Variants in TMEM232 observed in about 807,000 individuals in gnomAD.
TMEM232 encodes transmembrane protein 232.
In TMEM232, 80 loss-of-function variants were observed where a neutral mutation model predicts 78.8. The observed-to-expected ratio is 1.01, with a 90% confidence interval of 0.85 to 1.22. The LOEUF is 1.22. TMEM232 is among the 50% of genes most tolerant of loss of function. The probability of loss-of-function intolerance (pLI) is 0.00; values close to 1 mark genes in which losing one functional copy is unlikely to be tolerated. For synonymous variants in TMEM232, 297 were observed against 254.3 expected, an observed-to-expected ratio of 1.17 and a Z score of -1.60; for missense variants, 881 against 742.2, an observed-to-expected ratio of 1.19 and a Z score of -2.17.
intron 12 of TMEM232, among the ~76,000 whole-genome samples, chr5:110,443,178 TC>T (rs1396111136): frequency 6.6e-6 from 1 of 151,794 alleles, no homozygotes; most frequent in Non-Finnish European, 1.5e-5. Flanking sequence ...GACATTGTGC[TC>T]CCCCCGCTCC....
chr5:110,441,055 A>G (rs1758979459), intron 12 of TMEM232, among the ~76,000 whole-genome samples: 1 of 152,096 alleles, frequency 6.6e-6, no homozygotes, highest in Non-Finnish European at 1.5e-5. Context: ...AGTGGCTCCT[A>G]ACTGCTTTGA....
intron 10 of TMEM232, among the ~76,000 whole-genome samples, chr5:110,602,872 C>T (rs549720465): frequency 2.6e-5 from 4 of 152,174 alleles, no homozygotes; most frequent in South Asian, 2.1e-4. Context: ...TTCACAATAG[C>T]GAAGAGTTGG....
rs61743145 is a variant in TMEM232, at chr5:110,420,734, C to T, written c.1820G>A (p.Arg607Gln). Residue 607 changes from arginine to glutamine, a missense_variant, in exon 14 of 14, where the codon CGA becomes CAA. Coordinates refer to ENST00000455884, the MANE Select transcript of TMEM232 (RefSeq NM_001039763.4). ...DHHWQEELKI[R>Q]EKEDAICKAQ... ...CTTGCATATTGCATCTTCTTTTTCT[C>T]GGATCTTTAGCTCTTCCTGCCACTG... The T allele has an allele frequency of 2.3e-3, 3,481 of 1,522,300 alleles. 73 individuals carry two copies. In the African/African-American group the frequency reaches 0.041, roughly 18 times the overall value. The allele number at this position is 1,522,300 out of a possible 1,614,324, so 94.3% of individuals were successfully genotyped here.
intron 12 of TMEM232, among the ~76,000 whole-genome samples, chr5:110,464,520 G>A (rs1200537490): frequency 6.6e-6 from 1 of 152,148 alleles, no homozygotes; most frequent in Non-Finnish European, 1.5e-5. Context: ...TGCCATAAAT[G>A]TAAATGGACA....
chr5:110,703,948 A>C (rs1795677570), intron 1 of TMEM232, among the ~76,000 whole-genome samples: 1 of 152,048 alleles, frequency 6.6e-6, no homozygotes, highest in Admixed American at 6.6e-5. Context: ...CTCCTTTTGA[A>C]AAACATCAAT....
chr5:110,395,029 T>A (rs1422719794), intron 3 of TMEM232, among the ~76,000 whole-genome samples: 1 of 152,150 alleles, frequency 6.6e-6, no homozygotes, highest in Non-Finnish European at 1.5e-5. Context: ...CTGAGTCTTG[T>A]GGGTTAGGTA....
intron 12 of TMEM232, among the ~76,000 whole-genome samples, chr5:110,447,526 CA>C (rs1414855054): frequency 1.3e-5 from 2 of 152,062 alleles, no homozygotes. Context: ...AGAAAACCTA[CA>C]AATAACTTCT....
chr5:110,643,092 G>A (rs941508038), intron 2 of TMEM232, among the ~76,000 whole-genome samples: 12 of 151,972 alleles, frequency 7.9e-5, no homozygotes, highest in East Asian at 3.9e-4. Context: ...TCTTGACTTC[G>A]GCTCCAACCA....
chr5:110,602,662 T>C (rs1334950670), intron 10 of TMEM232, among the ~76,000 whole-genome samples: 2 of 152,164 alleles, frequency 1.3e-5, no homozygotes, highest in Non-Finnish European at 2.9e-5. Context: ...GGAGAGGATC[T>C]GGAGAAATAG....
At chr5:110,585,880 A>T (rs1454394356) in intron 10 of TMEM232, among the ~76,000 whole-genome samples, 1 of 152,156 alleles carries the variant, frequency 6.6e-6, no homozygotes, top group Non-Finnish European at 1.5e-5. Context: ...CAAACAAAAA[A>T]GGCAAAAGCA....
At chr5:110,545,064 A>C (rs1230936621) in intron 11 of TMEM232, among the ~76,000 whole-genome samples, 1 of 152,122 alleles carries the variant, frequency 6.6e-6, no homozygotes, top group Non-Finnish European at 1.5e-5. Context: ...TTGCTTCACA[A>C]GGTTATGGTA....
Position 110,642,321 on chromosome 5 carries a change from T to G in TMEM232, c.176A>C (p.Gln59Pro). Reference sequence around the variant, plus strand: ...CAATTCTTCCTTCTCTTTGGAATTTTGTGTTTGATTGAATCTCAAGATGAA... The same window carrying G: ...CAATTCTTCCTTCTCTTTGGAATTTGGTGTTTGATTGAATCTCAAGATGAA... ...KEFILRFNQT[Q>P]NSKEKEELLE... Residue 59 changes from glutamine to proline, a missense_variant, in exon 3 of 14, where the codon CAA (glutamine) becomes CCA (proline). Coordinates refer to ENST00000455884, the MANE Select transcript of TMEM232 (RefSeq NM_001039763.4). 6.5e-7 allele frequency: 1 copy of G among 1,540,346 alleles called. No individual in the cohort carries two copies. Among genetic ancestry groups the G allele is most frequent in the Non-Finnish European group, 8.7e-7 (1 of 1,143,232 alleles).
At chr5:110,591,255 T>C (rs1048458948) in intron 10 of TMEM232, among the ~76,000 whole-genome samples, 10 of 152,116 alleles carry the variant, frequency 6.6e-5, no homozygotes, top group African/African-American at 2.4e-4. Flanking sequence ...GCCAGGAGTT[T>C]GAGACCAGCC....
chr5:110,594,550 C>G (rs910747809), intron 10 of TMEM232, among the ~76,000 whole-genome samples: 1 of 152,182 alleles, frequency 6.6e-6, no homozygotes, highest in Non-Finnish European at 1.5e-5. Flanking sequence ...AAGCCAAGAA[C>G]TACTGTCTTG....
chr5:110,642,249 T>C lies in TMEM232; in HGVS notation c.237+11A>G. ...GTTAACATGCTCAACAATCAAATGA[T>C]ATGCCATTACCTTACATCTGAGAAT... On this transcript the variant is annotated intron_variant, in intron 3 of 13. Coordinates refer to ENST00000455884, the MANE Select transcript of TMEM232 (RefSeq NM_001039763.4). The C allele has an allele frequency of 6.8e-7, 1 of 1,476,054 alleles. No homozygotes were observed. The highest frequency in any genetic ancestry group is 1.3e-5 in the South Asian group (1 of 77,198). The allele number at this position is 1,476,054 out of a possible 1,614,324, so 91.4% of individuals were successfully genotyped here. A position where few individuals can be genotyped will look rare whatever the true frequency, so the allele number is the denominator to read the frequency against.
intron 7 of TMEM232, among the ~76,000 whole-genome samples, chr5:110,620,631 CTCTCT>C (rs1783567037): frequency 2.2e-5 from 2 of 92,488 alleles, no homozygotes; most frequent in African/African-American, 8.1e-5. Context: ...CTCTCTCTCT[CTCTCT>C]CTCCTCTCTC....
At chr5:110,647,172 G>A (rs1787616184) in intron 2 of TMEM232, among the ~76,000 whole-genome samples, 1 of 151,886 alleles carries the variant, frequency 6.6e-6, no homozygotes, top group Non-Finnish European at 1.5e-5. Flanking sequence ...CTCAGTAAAT[G>A]AAGAGATGTC....
intron 11 of TMEM232, among the ~76,000 whole-genome samples, chr5:110,554,986 A>C (rs1774905349): frequency 6.6e-6 from 1 of 151,560 alleles, no homozygotes; most frequent in Non-Finnish European, 1.5e-5. Context: ...TTGAGGTTTT[A>C]TTTGGGGAAG....
chr5:110,577,512 C>T (rs1285279451), intron 10 of TMEM232, among the ~76,000 whole-genome samples: 1 of 152,084 alleles, frequency 6.6e-6, no homozygotes, highest in African/African-American at 2.4e-5. Flanking sequence ...CCAGCAATCT[C>T]ATTACTGAGT....
Sources: gnomAD v4.1 joint callset for allele counts (sites outside exome capture counted in the v4.1 genomes callset) on GRCh38, gnomAD v4.1.1 for gene constraint, MANE v1.5 for transcripts, NCBI Gene and HGNC (gene_info 2026-07-23, HGNC 2026-07-21) for gene names.